Variants in SYT14 observed in about 807,000 individuals in gnomAD.
The protein encoded by SYT14 is synaptotagmin 14.
SYT14 carries 32 observed loss-of-function variants against 74.2 expected under a neutral mutation model. The ratio of observed to expected loss-of-function variants is 0.43; its 90% CI spans 0.33 to 0.58. The LOEUF is 0.58. SYT14 is among the 20% of genes least tolerant of loss of function. SYT14 has a pLI of 0.05. For synonymous variants in SYT14, 298 were observed against 337.7 expected, an observed-to-expected ratio of 0.88 and a Z score of 1.29; for missense variants, 791 against 981.8, an observed-to-expected ratio of 0.81 and a Z score of 2.60.
intron 7 of SYT14, among the ~76,000 whole-genome samples, chr1:210,102,080 G>A (rs1488221182): frequency 1.3e-5 from 2 of 152,142 alleles, no homozygotes; most frequent in African/African-American, 2.4e-5. Flanking sequence ...TAAATAGCTT[G>A]TAAGACATAA....
chr1:210,168,464 CTGTT>C (rs1054920460), exon 10 of SYT14: 4 of 152,054 alleles, frequency 2.6e-5, no homozygotes, highest in African/African-American at 9.7e-5. Flanking sequence ...TAACATCTTT[CTGTT>C]TATTACATTA....
At chr1:209,975,659 A>C (rs902967126) in intron 2 of SYT14, among the ~76,000 whole-genome samples, 5 of 152,148 alleles carry the variant, frequency 3.3e-5, no homozygotes, top group African/African-American at 1.2e-4. Flanking sequence ...ATTGGTCTAA[A>C]ATTCTCTTTT....
intron 1 of SYT14, among the ~76,000 whole-genome samples, chr1:209,941,879 A>G (rs1431243441): frequency 1.3e-5 from 2 of 152,220 alleles, no homozygotes; most frequent in African/African-American, 4.8e-5. Flanking sequence ...CATATGGCAT[A>G]ATATTTGCAT....
chr1:210,078,546 C>T (rs1166356687), intron 5 of SYT14, among the ~76,000 whole-genome samples: 1 of 151,808 alleles, frequency 6.6e-6, no homozygotes, highest in African/African-American at 2.4e-5. Flanking sequence ...GACTCTTTTC[C>T]CCCCATAATT....
At chr1:210,079,176 C>T (rs1015729167) in intron 5 of SYT14, among the ~76,000 whole-genome samples, 1 of 151,592 alleles carries the variant, frequency 6.6e-6, no homozygotes, top group Non-Finnish European at 1.5e-5. Flanking sequence ...CATCATTGCT[C>T]CCCTACAGAG....
At chr1:210,057,516 T>TTCAC (rs1201074083) in intron 5 of SYT14, among the ~76,000 whole-genome samples, 2 of 152,228 alleles carry the variant, frequency 1.3e-5, no homozygotes, top group African/African-American at 2.4e-5. Flanking sequence ...AGTAACTTGT[T>TTCAC]TCACTTCACT....
intron 5 of SYT14, among the ~76,000 whole-genome samples, chr1:210,065,943 T>A (rs934510622): frequency 8.6e-5 from 13 of 151,692 alleles, no homozygotes; most frequent in Non-Finnish European, 1.6e-4. Context: ...GTTCTCATTG[T>A]TCAATTCCCA....
At chr1:209,975,358 CTTA>C (rs2079341274) in intron 2 of SYT14, among the ~76,000 whole-genome samples, 1 of 152,112 alleles carries the variant, frequency 6.6e-6, no homozygotes, top group East Asian at 1.9e-4. Flanking sequence ...ATAGACAGCT[CTTA>C]TTATTTTGAG....
chr1:210,147,994 T>C (rs1168531810), intron 7 of SYT14, among the ~76,000 whole-genome samples: 6 of 152,186 alleles, frequency 3.9e-5, no homozygotes, highest in Admixed American at 2.0e-4. Flanking sequence ...ACTCCATGAT[T>C]GAGGAGTAAA....
At position 209,998,952 on chromosome 1, in the gene SYT14, T is replaced by TC. The variant is rs144912387; in HGVS notation, c.-485-14681_-485-14680insC. On this transcript the variant is annotated intron_variant, in intron 2 of 9. Coordinates refer to ENST00000637265, the Ensembl canonical transcript of SYT14. Reference sequence around the variant, plus strand: ...CCAAAATAGACAAATGGGACTATATTAAGCTAAAAAGCTTCTGCACAGCAA... The same window carrying TC: ...CCAAAATAGACAAATGGGACTATATTCAAGCTAAAAAGCTTCTGCACAGCAA... Among the ~76,000 whole-genome samples the TC allele has an allele frequency of 6.6e-5, 10 of 152,200 alleles. No individual in the cohort carries two copies. In the East Asian group the frequency reaches 1.9e-3, roughly 29 times the overall value.
At chr1:210,028,164 C>T (rs147235859) in intron 5 of SYT14, among the ~76,000 whole-genome samples, 265 of 152,182 alleles carry the variant, frequency 1.7e-3, no homozygotes, top group African/African-American at 5.5e-3. Context: ...CTGTATTTGT[C>T]CTTTTTTTGT....
At chr1:210,024,833 T>TG (rs2080376483) in intron 5 of SYT14, among the ~76,000 whole-genome samples, 1 of 151,970 alleles carries the variant, frequency 6.6e-6, no homozygotes, top group Non-Finnish European at 1.5e-5. Context: ...GAAAATGTTA[T>TG]ATTTTATCAG....
intron 5 of SYT14, among the ~76,000 whole-genome samples, chr1:210,081,467 A>G (rs1275977393): frequency 6.6e-6 from 1 of 152,152 alleles, no homozygotes; most frequent in Admixed American, 6.5e-5. Context: ...ATGTTTATAC[A>G]ATACTGTAGT....
At chr1:210,166,797 G>A (rs1158031699) in exon 10 of SYT14, 1 of 152,126 alleles carries the variant, frequency 6.6e-6, no homozygotes, top group Non-Finnish European at 1.5e-5. Context: ...AGAATATTAA[G>A]TGTATTACAT....
At chr1:210,059,221 A>C (rs1389684213) in intron 5 of SYT14, among the ~76,000 whole-genome samples, 1 of 151,942 alleles carries the variant, frequency 6.6e-6, no homozygotes, top group African/African-American at 2.4e-5. Flanking sequence ...AATTAAGGGC[A>C]GGATGAGAGA....
rs11430691 is a variant in SYT14, at chr1:210,103,549, C to CAAAAAA, written c.2034+3102_2034+3107dup. Among the ~76,000 whole-genome samples the CAAAAAA allele has an allele frequency of 5.7e-5, 5 of 87,914 alleles. No individual in the cohort carries two copies. The East Asian group carries it at 8.7e-4, about 15-fold the overall frequency. 57.7% of individuals were successfully genotyped at this position (87,914 alleles called of 152,430 possible). A position where few individuals can be genotyped will look rare whatever the true frequency, so the allele number is the denominator to read the frequency against. ...TGGATGACAGAGCAAGACTCTGTCT[C>CAAAAAA]AAAAAAAAAAAAAAAAAAAGAGTTT... On this transcript the variant is annotated intron_variant, in intron 7 of 9. Transcript: ENST00000637265.
At chr1:209,947,450 G>C (rs187727416) in intron 1 of SYT14, among the ~76,000 whole-genome samples, 8 of 152,274 alleles carry the variant, frequency 5.3e-5, no homozygotes, top group Non-Finnish European at 1.2e-4. Context: ...ACTTTGAAAG[G>C]CTCAAGACTT....
At chr1:209,939,420 T>C (rs929679062) in intron 1 of SYT14, among the ~76,000 whole-genome samples, 1 of 152,256 alleles carries the variant, frequency 6.6e-6, no homozygotes, top group East Asian at 1.9e-4. Flanking sequence ...TGTCGGATCA[T>C]GTGGACTCCA....
At chr1:210,019,243 C>G (rs983562230) in intron 4 of SYT14, among the ~76,000 whole-genome samples, 2 of 151,606 alleles carry the variant, frequency 1.3e-5, no homozygotes, top group Admixed American at 6.6e-5. Flanking sequence ...GACTAGTTAC[C>G]CTCCTCAAGA....
Sources: allele counts gnomAD v4.1 joint callset (sites outside exome capture counted in the v4.1 genomes callset), GRCh38; gene constraint gnomAD v4.1.1; transcripts MANE v1.5; gene names NCBI Gene and HGNC (gene_info 2026-07-23, HGNC 2026-07-21).